MTMR7: variants seen among roughly 807,000 people sequenced by gnomAD.
MTMR7 encodes the protein myotubularin related protein 7.
In MTMR7, 76 loss-of-function variants were observed where a neutral mutation model predicts 81.2. That is an observed-to-expected ratio of 0.94 (90% CI 0.78 to 1.13). MTMR7 has a LOEUF of 1.13. Ranked by LOEUF, MTMR7 falls within the 50% of genes most tolerant of loss-of-function variation. MTMR7 has a pLI of 0.00. For missense variants in MTMR7, 1,044 were observed against 820.0 expected (o/e 1.27, Z -3.34); for synonymous variants, 372 against 289.8 (o/e 1.28, Z -2.88).
At chr8:17,400,583 T>A (rs1028231731) in intron 1 of MTMR7, among the ~76,000 whole-genome samples, 23 of 152,262 alleles carry the variant, frequency 1.5e-4, no homozygotes, top group African/African-American at 5.5e-4. Flanking sequence ...TTACCCTTGG[T>A]TTTTCTTGTC....
At chr8:17,340,991 A>G (rs1819392540) in intron 6 of MTMR7, among the ~76,000 whole-genome samples, 1 of 152,226 alleles carries the variant, frequency 6.6e-6, no homozygotes, top group African/African-American at 2.4e-5. Context: ...CAACAATTGA[A>G]CTGCTGGAGC....
intron 1 of MTMR7, among the ~76,000 whole-genome samples, chr8:17,407,383 T>C (rs1047337534): frequency 6.6e-6 from 1 of 152,150 alleles, no homozygotes; most frequent in African/African-American, 2.4e-5. Flanking sequence ...TATATTCTAT[T>C]AATGAAAGTG....
intron 7 of MTMR7, among the ~76,000 whole-genome samples, chr8:17,327,313 C>G (rs1352859795): frequency 3.3e-5 from 5 of 152,178 alleles, no homozygotes; most frequent in Non-Finnish European, 7.3e-5. Flanking sequence ...CTCTGTCACC[C>G]AGGCTGGAGT....
At chr8:17,396,571 C>A (rs1490698876) in intron 1 of MTMR7, among the ~76,000 whole-genome samples, 1 of 152,100 alleles carries the variant, frequency 6.6e-6, no homozygotes, top group Non-Finnish European at 1.5e-5. Flanking sequence ...TCCCAGTGGT[C>A]AGAACTTGAA....
chr8:17,353,343 G>T (rs1819785011), intron 4 of MTMR7, among the ~76,000 whole-genome samples: 1 of 152,130 alleles, frequency 6.6e-6, no homozygotes, highest in Admixed American at 6.5e-5. Flanking sequence ...GAGTTGAAAA[G>T]TTCCAGAGAT....
intron 1 of MTMR7, among the ~76,000 whole-genome samples, chr8:17,400,748 A>C: frequency 6.7e-6 from 1 of 149,116 alleles, no homozygotes; most frequent in Non-Finnish European, 1.5e-5. Context: ...GCTCTTACTC[A>C]AAAGACAAGG....
chr8:17,315,469 G>C (rs1818016755), intron 7 of MTMR7, among the ~76,000 whole-genome samples: 1 of 152,128 alleles, frequency 6.6e-6, no homozygotes, highest in Non-Finnish European at 1.5e-5. Context: ...AGTGGACTTT[G>C]AGTGATACCG....
At chr8:17,398,862 T>G (rs1191551740) in intron 1 of MTMR7, among the ~76,000 whole-genome samples, 2 of 152,184 alleles carry the variant, frequency 1.3e-5, no homozygotes, top group Admixed American at 6.5e-5. Context: ...AGTTTTCCTT[T>G]TGCACGTCTG....
chr8:17,349,245 G>A, intron 4 of MTMR7, 164 bp from the exon 5 acceptor site: 1 of 708,138 alleles, frequency 1.4e-6, no homozygotes, highest in South Asian at 2.1e-5. Context: ...TTCAGAGGAA[G>A]GAAGTGCCGC....
chr8:17,312,866 G>A (rs1415031325), intron 8 of MTMR7, among the ~76,000 whole-genome samples: 2 of 152,130 alleles, frequency 1.3e-5, no homozygotes, highest in African/African-American at 4.8e-5. Flanking sequence ...TGTGAAAGCT[G>A]CAGCGACATT....
At position 17,410,284 on chromosome 8, in the gene MTMR7, C is replaced by T. The variant is rs1821702851; in HGVS notation, c.24+2985G>A. ...AAATTTACACATGTGGGAAAAATGCCTTCCAGAAAGACCAAAGCATATAAA... is the reference window on the plus strand; with the variant it reads ...AAATTTACACATGTGGGAAAAATGCTTTCCAGAAAGACCAAAGCATATAAA... On this transcript the variant is annotated intron_variant, in intron 1 of 13. Transcript: ENST00000180173. 2.0e-5 allele frequency among the ~76,000 whole-genome samples: 3 copies of T among 152,150 alleles called. No individual in the cohort carries two copies. The South Asian group carries it at 6.2e-4, about 31-fold the overall frequency.
chr8:17,348,852 T>G (rs1819640320), intron 5 of MTMR7, 101 bp downstream of exon 5: 3 of 1,405,530 alleles, frequency 2.1e-6, no homozygotes, highest in East Asian at 2.3e-5. Context: ...TCTGAAGAAT[T>G]CAAACACACA....
At chr8:17,342,027 G>A (rs1014959385) in intron 5 of MTMR7, among the ~76,000 whole-genome samples, 2 of 151,934 alleles carry the variant, frequency 1.3e-5, no homozygotes, top group African/African-American at 4.8e-5. Flanking sequence ...TTGCTGCTAG[G>A]TTTGAAACCG....
chr8:17,369,648 T>TC (rs1310578307), intron 3 of MTMR7, among the ~76,000 whole-genome samples: 4 of 129,020 alleles, frequency 3.1e-5, no homozygotes, highest in Non-Finnish European at 6.8e-5. Context: ...TTTCTTTTTT[T>TC]TTTTTTTTTT....
intron 7 of MTMR7, among the ~76,000 whole-genome samples, chr8:17,319,443 A>T (rs1818271723): frequency 6.6e-6 from 1 of 152,310 alleles, no homozygotes; most frequent in East Asian, 1.9e-4. Context: ...AAGCTCCGAA[A>T]AGTTAAGGCA....
intron 1 of MTMR7, among the ~76,000 whole-genome samples, chr8:17,405,951 T>C (rs1022034745): frequency 6.6e-6 from 1 of 152,158 alleles, no homozygotes; most frequent in African/African-American, 2.4e-5. Flanking sequence ...TGTTAATATA[T>C]ACACAGCATT....
chr8:17,371,123 T>C lies in MTMR7; in HGVS notation c.224A>G (p.Lys75Arg). ...ATGCPLLIRC[K>R]NFQIIQLIIP... ...GATGAGCTGTATTATCTGAAAGTTC[T>C]TGCAGCGAATCAGCAGAGGGCATCC... Residue 75 changes from lysine to arginine, a missense_variant, in exon 3 of 14, where the codon AAG becomes AGG. By Grantham distance (26) the Lys-to-Arg change is conservative. Coordinates refer to ENST00000180173, the MANE Select transcript of MTMR7 (RefSeq NM_004686.5). 6.2e-7 allele frequency: 1 copy of C among 1,614,254 alleles called. No individual in the cohort carries two copies. The highest frequency in any genetic ancestry group is 8.5e-7 in the Non-Finnish European group (1 of 1,180,042).
intron 1 of MTMR7, among the ~76,000 whole-genome samples, chr8:17,398,872 G>A (rs1365096309): frequency 6.6e-6 from 1 of 152,182 alleles, no homozygotes; most frequent in Non-Finnish European, 1.5e-5. Flanking sequence ...TTGCACGTCT[G>A]TTTGCTCAAG....
chr8:17,362,818 A>G (rs1023665327), intron 3 of MTMR7, among the ~76,000 whole-genome samples: 1 of 152,178 alleles, frequency 6.6e-6, no homozygotes, highest in Non-Finnish European at 1.5e-5. Flanking sequence ...GAATCTTGCC[A>G]CCAGCAAGAG....
Sources: allele counts gnomAD v4.1 joint callset (sites outside exome capture counted in the v4.1 genomes callset), GRCh38; gene constraint gnomAD v4.1.1; transcripts MANE v1.5; gene names NCBI Gene and HGNC (gene_info 2026-07-23, HGNC 2026-07-21).